The following FOXK1 variants were observed in gnomAD, a reference collection of about 807,000 sequenced individuals.
The protein encoded by FOXK1 is forkhead box K1.
In FOXK1, 19 loss-of-function variants were observed where a neutral mutation model predicts 51.9. The ratio of observed to expected loss-of-function variants is 0.37; its 90% CI spans 0.26 to 0.54. The LOEUF is 0.54. Ranked by LOEUF, FOXK1 falls within the 20% of genes least tolerant of loss-of-function variation. The pLI is 0.87. For synonymous variants in FOXK1, 537 were observed against 482.6 expected (o/e 1.11, Z -1.48); for missense variants, 870 against 1,032.7 (o/e 0.84, Z 2.16).
intron 1 of FOXK1, among the ~76,000 whole-genome samples, chr7:4,696,273 A>G (rs1779951483): frequency 6.6e-6 from 1 of 152,090 alleles, no homozygotes; most frequent in Non-Finnish European, 1.5e-5. Context: ...AAGAAGAGGG[A>G]CAAGCTTGCT....
rs1781006919 is a variant in FOXK1 at position 4,766,104 on chromosome 7, G to T, written c.*3640G>T. The T allele has an allele frequency of 1.3e-5, 2 of 152,290 alleles. No individual in the cohort carries two copies. Among genetic ancestry groups the T allele is most frequent in the African/African-American group, 4.8e-5 (2 of 41,468 alleles). 9.4% of individuals were successfully genotyped at this position (152,290 alleles called of 1,614,324 possible). On this transcript the variant is annotated 3_prime_UTR_variant, in exon 9 of 9. Transcript: ENST00000328914. This position sits in a 1 kb window ranked among gnomAD's most constrained non-coding sequence, Gnocchi z 5.5. Reference sequence around the variant, plus strand: ...TGTGGGAGTTCTCCCGGTGACACCTGCCCTCCGTTGAGGGTGGAATCTGTC... The same window carrying T: ...TGTGGGAGTTCTCCCGGTGACACCTTCCCTCCGTTGAGGGTGGAATCTGTC...
rs962502632 is a variant in FOXK1, at chr7:4,768,164, G to A, written c.*5700G>A. 7.0e-4 allele frequency: 73 copies of A among 104,166 alleles called. No homozygotes were observed. Among genetic ancestry groups the A allele is most frequent in the African/African-American group, 3.2e-3 (61 of 19,296 alleles). The allele number at this position is 104,166 out of a possible 1,614,324, so 6.5% of individuals were successfully genotyped here. A position where few individuals can be genotyped will look rare whatever the true frequency, so the allele number is the denominator to read the frequency against. On this transcript the variant is annotated 3_prime_UTR_variant, in exon 9 of 9. Coordinates refer to ENST00000328914, the MANE Select transcript of FOXK1 (RefSeq NM_001037165.2). ...TTTTTTTTTTTTGAGACGGAGTCTC[G>A]CTCTGTCGCCCAGGCTGGAGTGCAG...
rs746674054 is a variant in FOXK1, at chr7:4,707,819, G to A, written c.560+24951G>A. 5.1e-4 allele frequency among the ~76,000 whole-genome samples: 78 copies of A among 152,030 alleles called. No homozygotes were observed. The highest frequency in any genetic ancestry group is 9.9e-4 in the Non-Finnish European group (67 of 67,984). On this transcript the variant is annotated intron_variant, in intron 1 of 8. Coordinates refer to ENST00000328914, the MANE Select transcript of FOXK1 (RefSeq NM_001037165.2). The surrounding 1 kb of genome is among the most constrained non-coding windows in gnomAD (Gnocchi z 4.1). ...CCTACCTCAGCCCCCCAAGTAGCTG[G>A]GATGATAGGGCCCGCCACCGTGTCC...
chr7:4,708,511 G>A (rs1780133930), intron 1 of FOXK1, among the ~76,000 whole-genome samples: 1 of 152,172 alleles, frequency 6.6e-6, no homozygotes, highest in Non-Finnish European at 1.5e-5. Context: ...CCAGGGTTAG[G>A]GTGGAATTTT....
At chr7:4,705,946 T>TTATATATATATATG (rs1455689376) in intron 1 of FOXK1, among the ~76,000 whole-genome samples, 2 of 132,536 alleles carry the variant, frequency 1.5e-5, no homozygotes, top group African/African-American at 6.7e-5. Flanking sequence ...ACTTTCAAAA[T>TTATATATATATATG]TATATATATA....
chr7:4,708,347 T>A (rs1169204141), intron 1 of FOXK1, among the ~76,000 whole-genome samples: 1 of 152,128 alleles, frequency 6.6e-6, no homozygotes, highest in Non-Finnish European at 1.5e-5. Context: ...GAAGCCCCCG[T>A]GGATCGGGAT....
At chr7:4,736,009 C>T (rs1780547673) in intron 1 of FOXK1, among the ~76,000 whole-genome samples, 1 of 152,116 alleles carries the variant, frequency 6.6e-6, no homozygotes, top group South Asian at 2.1e-4. Context: ...CTTAGCTGGG[C>T]TCTGTGGCGC....
chr7:4,688,846 C>CT (rs980788068), intron 1 of FOXK1, among the ~76,000 whole-genome samples: 2 of 152,030 alleles, frequency 1.3e-5, no homozygotes, highest in African/African-American at 2.4e-5. Flanking sequence ...TTTTGTTTTG[C>CT]TTTTTTGCCA....
At chr7:4,691,298 A>G (rs1217031103) in intron 1 of FOXK1, among the ~76,000 whole-genome samples, 3 of 152,218 alleles carry the variant, frequency 2.0e-5, no homozygotes, top group African/African-American at 7.2e-5. Flanking sequence ...TGCAAAGCGT[A>G]GCTTTTCTCT....
intron 1 of FOXK1, among the ~76,000 whole-genome samples, chr7:4,697,356 T>C (rs149486259): frequency 5.9e-5 from 9 of 152,330 alleles, no homozygotes; most frequent in African/African-American, 2.2e-4. Context: ...ACGGCCAACT[T>C]TTCAGATCAG....
At chr7:4,727,767 C>T (rs1252652259) in intron 1 of FOXK1, among the ~76,000 whole-genome samples, 2 of 152,220 alleles carry the variant, frequency 1.3e-5, no homozygotes, top group African/African-American at 4.8e-5. Flanking sequence ...TGGGTGGGAA[C>T]CCGCGCACGG....
rs1780749613 is a variant in FOXK1 at position 4,749,636 on chromosome 7, CAG to C, written c.747-4820_747-4819del. Among the ~76,000 whole-genome samples, 1 of 152,218 alleles carries C rather than the reference CAG, an allele frequency of 6.6e-6. No homozygotes were observed. The highest frequency in any genetic ancestry group is 1.5e-5 in the Non-Finnish European group (1 of 68,024). On this transcript the variant is annotated intron_variant, in intron 2 of 8. Transcript: ENST00000328914. This position sits in a 1 kb window ranked among gnomAD's most constrained non-coding sequence, Gnocchi z 6.0. ...TCAGGAGGGATCAGGTCCCTTCTGACAGAGCACTGTCCTCCCTGGGCCTGCCG... is the reference window on the plus strand; with the variant it reads ...TCAGGAGGGATCAGGTCCCTTCTGACAGCACTGTCCTCCCTGGGCCTGCCG...
At chr7:4,728,611 C>A (rs1780410414) in intron 1 of FOXK1, among the ~76,000 whole-genome samples, 1 of 151,634 alleles carries the variant, frequency 6.6e-6, no homozygotes, top group South Asian at 2.1e-4. Context: ...CTGCTACCAG[C>A]TAGGCGTGGT....
At position 4,767,094 on chromosome 7, in the gene FOXK1, C is replaced by T. The variant is rs527881999; in HGVS notation, c.*4630C>T. On this transcript the variant is annotated 3_prime_UTR_variant, in exon 9 of 9. Transcript: ENST00000328914. The surrounding 1 kb of genome is among the most constrained non-coding windows in gnomAD (Gnocchi z 6.6). ...GGTCTGTTTTGCTTCAGAAGCCTCA[C>T]ATTCTGCTTTGCCCTTGAGTGACTT... 1.3e-5 allele frequency: 2 copies of T among 152,374 alleles called. No individual in the cohort carries two copies. Among genetic ancestry groups the T allele is most frequent in the Admixed American group, 6.5e-5 (1 of 15,300 alleles). 9.4% of individuals were successfully genotyped at this position (152,374 alleles called of 1,614,324 possible). A position where few individuals can be genotyped will look rare whatever the true frequency, so the allele number is the denominator to read the frequency against.
chr7:4,722,776 C>G lies in FOXK1; in HGVS notation c.561-18062C>G, dbSNP rs770870908. 9.2e-5 allele frequency among the ~76,000 whole-genome samples: 14 copies of G among 152,182 alleles called. No individual in the cohort carries two copies. The highest frequency in any genetic ancestry group is 1.6e-4 in the Non-Finnish European group (11 of 68,026). On this transcript the variant is annotated intron_variant, in intron 1 of 8. Transcript: ENST00000328914. This position sits in a 1 kb window ranked among gnomAD's most constrained non-coding sequence, Gnocchi z 5.1. ...GCTTTTGGCTTTGGGGGATTCCGTTCCTTTGCTGCTGCCTTGGCCACAGGC... is the reference window on the plus strand; with the variant it reads ...GCTTTTGGCTTTGGGGGATTCCGTTGCTTTGCTGCTGCCTTGGCCACAGGC...
chr7:4,745,528 A>C lies in FOXK1; in HGVS notation c.746+4505A>C, dbSNP rs1245637189. Among the ~76,000 whole-genome samples, 4 of 152,256 alleles carry C rather than the reference A, an allele frequency of 2.6e-5. No homozygotes were observed. The highest frequency in any genetic ancestry group is 5.9e-5 in the Non-Finnish European group (4 of 68,032). ...TTTTCTGCCCTGAAGTACTCCACCCAGAAAATGAATGAACTCTCTTTGAAA... is the reference window on the plus strand; with the variant it reads ...TTTTCTGCCCTGAAGTACTCCACCCCGAAAATGAATGAACTCTCTTTGAAA... On this transcript the variant is annotated intron_variant, in intron 2 of 8. Coordinates refer to ENST00000328914, the MANE Select transcript of FOXK1 (RefSeq NM_001037165.2). This position sits in a 1 kb window ranked among gnomAD's most constrained non-coding sequence, Gnocchi z 4.3.
intron 1 of FOXK1, among the ~76,000 whole-genome samples, chr7:4,691,671 C>T (rs1000315308): frequency 2.6e-5 from 4 of 152,134 alleles, no homozygotes; most frequent in South Asian, 2.1e-4. Context: ...AGAAGAATCT[C>T]GTCTGCCCTC....
intron 2 of FOXK1, among the ~76,000 whole-genome samples, chr7:4,742,128 C>T (rs984433486): frequency 6.6e-6 from 1 of 152,268 alleles, no homozygotes; most frequent in Non-Finnish European, 1.5e-5. Context: ...GTTTCTGCGT[C>T]GCTCGCGCGT....
chr7:4,754,728 C>G (rs911287605), intron 3 of FOXK1, 113 bp downstream of exon 3: 1 of 1,327,546 alleles, frequency 7.5e-7, no homozygotes, highest in African/African-American at 1.5e-5. Context: ...TCGAGGTGGT[C>G]TCAGCCCACA....
Sources: allele counts gnomAD v4.1 joint callset (sites outside exome capture counted in the v4.1 genomes callset), GRCh38; gene constraint gnomAD v4.1.1; non-coding constraint Gnocchi (gnomAD v3.1); transcripts MANE v1.5; gene names NCBI Gene and HGNC (gene_info 2026-07-23, HGNC 2026-07-21).